The following NSMCE2 variants were observed in gnomAD, a reference collection of about 807,000 sequenced individuals.
NSMCE2 encodes NSE2 SUMO ligase component of SMC5/6 complex, also known as E3 SUMO-protein ligase NSE2.
In NSMCE2, 24 loss-of-function variants were observed where a neutral mutation model predicts 23.8. The observed-to-expected ratio is 1.01, with a 90% CI of 0.73 to 1.42. The LOEUF (loss-of-function observed/expected upper bound fraction) is 1.42. Ranked by LOEUF, NSMCE2 falls within the 40% of genes most tolerant of loss-of-function variation. The probability of loss-of-function intolerance (pLI) is 0.00; values close to 1 mark genes in which losing one functional copy is unlikely to be tolerated. For synonymous variants in NSMCE2, 92 were observed against 94.1 expected (o/e 0.98, Z 0.13); for missense variants, 284 against 296.5 (o/e 0.96, Z 0.31).
chr8:125,307,827 CAG>C (rs964831074), intron 5 of NSMCE2, among the ~76,000 whole-genome samples: 1 of 152,218 alleles, frequency 6.6e-6, no homozygotes, highest in African/African-American at 2.4e-5. Flanking sequence ...ACTGTGGTCT[CAG>C]AGGACAGACA....
chr8:125,296,188 A>G (rs1039753506), intron 5 of NSMCE2, among the ~76,000 whole-genome samples: 1 of 152,138 alleles, frequency 6.6e-6, no homozygotes, highest in African/African-American at 2.4e-5. Flanking sequence ...TCTTCTTTTT[A>G]CAAACTGAGG....
chr8:125,316,298 G>A (rs1359802047), intron 5 of NSMCE2, among the ~76,000 whole-genome samples: 2 of 152,220 alleles, frequency 1.3e-5, no homozygotes, highest in East Asian at 3.8e-4. Flanking sequence ...ACTTAGTATT[G>A]TGAGAAGCAT....
intron 5 of NSMCE2, among the ~76,000 whole-genome samples, chr8:125,298,646 A>G (rs971527621): frequency 1.3e-5 from 2 of 150,528 alleles, no homozygotes; most frequent in African/African-American, 4.9e-5. Context: ...GAACGTGACC[A>G]GTGGTTCTTA....
chr8:125,351,160 G>A (rs553451082), intron 5 of NSMCE2, among the ~76,000 whole-genome samples: 4 of 152,176 alleles, frequency 2.6e-5, no homozygotes, highest in Non-Finnish European at 5.9e-5. Flanking sequence ...CAAAGGCAGA[G>A]CTGCTTGGCT....
intron 5 of NSMCE2, among the ~76,000 whole-genome samples, chr8:125,255,388 T>G (rs7008482): frequency 0.48 from 72,417 of 152,066 alleles, 21,661 homozygotes; most frequent in African/African-American, 0.85. Flanking sequence ...ACAGTGATAT[T>G]TACTACGTAT....
chr8:125,182,444 T>C lies in NSMCE2; in HGVS notation c.418+188T>C, dbSNP rs879626244. 6.1e-5 allele frequency: 37 copies of C among 603,336 alleles called. No homozygotes were observed. The Admixed American group carries it at 1.2e-3, about 20-fold the overall frequency. The allele number at this position is 603,336 out of a possible 1,614,324, so 37.4% of individuals were successfully genotyped here. A position where few individuals can be genotyped will look rare whatever the true frequency, so the allele number is the denominator to read the frequency against. ...TTTTGGTTCAAATCAGCCTGCTCAT[T>C]TCTGAAAGCCAACAGTTTCCACAAA... On this transcript the variant is annotated intron_variant, in intron 5 of 7. Coordinates refer to ENST00000287437, the MANE Select transcript of NSMCE2 (RefSeq NM_173685.4).
intron 4 of NSMCE2, among the ~76,000 whole-genome samples, chr8:125,152,767 T>A (rs1388117443): frequency 6.6e-6 from 1 of 152,086 alleles, no homozygotes; most frequent in Non-Finnish European, 1.5e-5. Flanking sequence ...CATCAAGAAT[T>A]GAACTCTTGG....
chr8:125,261,834 C>T (rs965450850), intron 5 of NSMCE2, among the ~76,000 whole-genome samples: 1 of 151,872 alleles, frequency 6.6e-6, no homozygotes, highest in Non-Finnish European at 1.5e-5. Context: ...CAGTGGCTCA[C>T]GTCTGTAATC....
chr8:125,320,964 T>C (rs1289289527), intron 5 of NSMCE2, among the ~76,000 whole-genome samples: 1 of 152,122 alleles, frequency 6.6e-6, no homozygotes, highest in Non-Finnish European at 1.5e-5. Flanking sequence ...AGCAGACATA[T>C]GGCCAGAGCA....
At chr8:125,145,001 T>A (rs1020374105) in intron 3 of NSMCE2, among the ~76,000 whole-genome samples, 1 of 152,174 alleles carries the variant, frequency 6.6e-6, no homozygotes, top group Non-Finnish European at 1.5e-5. Flanking sequence ...TGTTTGACTT[T>A]AGGAAAATCA....
chr8:125,347,659 AT>A (rs1290138540), intron 5 of NSMCE2, among the ~76,000 whole-genome samples: 1 of 152,230 alleles, frequency 6.6e-6, no homozygotes, highest in Non-Finnish European at 1.5e-5. Flanking sequence ...TTCCATTCAC[AT>A]GAAACAACAG....
At chr8:125,151,779 G>T (rs891178653) in intron 4 of NSMCE2, among the ~76,000 whole-genome samples, 6 of 152,138 alleles carry the variant, frequency 3.9e-5, no homozygotes, top group African/African-American at 1.2e-4. Context: ...GTTGACTCCA[G>T]CTGTCACAGG....
chr8:125,105,779 G>A (rs1049254256), intron 3 of NSMCE2, among the ~76,000 whole-genome samples: 8 of 152,096 alleles, frequency 5.3e-5, no homozygotes, highest in Non-Finnish European at 1.2e-4. Context: ...TGGCTCACAG[G>A]TCTTAGTTTG....
At chr8:125,257,638 A>T (rs950729796) in intron 5 of NSMCE2, among the ~76,000 whole-genome samples, 1 of 141,714 alleles carries the variant, frequency 7.1e-6, no homozygotes, top group Non-Finnish European at 1.5e-5. Flanking sequence ...GGTTCACGCC[A>T]TTCTCCTGCC....
chr8:125,213,510 CT>C (rs1824435360), intron 5 of NSMCE2, among the ~76,000 whole-genome samples: 1 of 134,816 alleles, frequency 7.4e-6, no homozygotes, highest in African/African-American at 2.8e-5. Flanking sequence ...CTCTCCTCTC[CT>C]CTCCTCTCCT....
intron 5 of NSMCE2, among the ~76,000 whole-genome samples, chr8:125,313,590 C>G (rs1405006128): frequency 6.6e-6 from 1 of 152,168 alleles, no homozygotes; most frequent in African/African-American, 2.4e-5. Context: ...TTTGTTGTCA[C>G]CTTCCACATA....
chr8:125,115,663 A>G (rs1406673973), intron 3 of NSMCE2, among the ~76,000 whole-genome samples: 1 of 152,196 alleles, frequency 6.6e-6, no homozygotes, highest in African/African-American at 2.4e-5. Context: ...AGGCAGGAGA[A>G]TTGCTAGAAC....
At chr8:125,281,526 A>T (rs1327601848) in intron 5 of NSMCE2, among the ~76,000 whole-genome samples, 2 of 150,846 alleles carry the variant, frequency 1.3e-5, no homozygotes, top group East Asian at 3.9e-4. Context: ...TGCAGCCTCC[A>T]CCTCCCGGGT....
intron 4 of NSMCE2, among the ~76,000 whole-genome samples, chr8:125,162,361 T>C (rs1424186795): frequency 6.6e-6 from 1 of 152,198 alleles, no homozygotes; most frequent in South Asian, 2.1e-4. Flanking sequence ...ACTACATGTT[T>C]TATAATAGTA....
Sources: allele counts gnomAD v4.1 joint callset (sites outside exome capture counted in the v4.1 genomes callset), GRCh38; gene constraint gnomAD v4.1.1; transcripts MANE v1.5; gene names NCBI Gene and HGNC (gene_info 2026-07-23, HGNC 2026-07-21).